ZNF782: variants seen among roughly 807,000 people sequenced by gnomAD.
ZNF782 encodes zinc finger protein 782.
Under a neutral mutation model 13.0 loss-of-function variants are expected in ZNF782, and 12 were observed. The observed-to-expected ratio is 0.92, with a 90% CI of 0.59 to 1.50. The LOEUF (loss-of-function observed/expected upper bound fraction) is 1.50, where lower values mean the gene tolerates loss of function less well. ZNF782 is among the 40% of genes most tolerant of loss of function. The probability of loss-of-function intolerance (pLI) is 0.00; values close to 1 mark genes in which losing one functional copy is unlikely to be tolerated. For missense variants in ZNF782, 770 were observed against 822.9 expected (o/e 0.94, Z 0.79); for synonymous variants, 284 against 283.0 (o/e 1.00, Z -0.04).
intron 1 of ZNF782, among the ~76,000 whole-genome samples, chr9:96,873,552 T>C (rs1588177998): frequency 1.3e-5 from 2 of 152,240 alleles, no homozygotes. Flanking sequence ...ATACAAAAAT[T>C]AGCCAAGCTT....
chr9:96,851,319 A>G (rs941628833), intron 3 of ZNF782, among the ~76,000 whole-genome samples: 1 of 152,212 alleles, frequency 6.6e-6, no homozygotes, highest in South Asian at 2.1e-4. Flanking sequence ...CATTTATTCA[A>G]TAATCAAAAT....
At chr9:96,900,181 C>T in the ZNF782 span, among the ~76,000 whole-genome samples, 1 of 150,868 alleles carries the variant, frequency 6.6e-6, no homozygotes, top group East Asian at 2.0e-4. Flanking sequence ...AGCTGGGTCC[C>T]AGGCAAACTA....
the ZNF782 span, among the ~76,000 whole-genome samples, chr9:96,883,999 T>C: frequency 6.6e-6 from 1 of 152,156 alleles, no homozygotes; most frequent in Non-Finnish European, 1.5e-5. Context: ...GGGCTATGAA[T>C]AGAAAAGCTT....
the ZNF782 span, among the ~76,000 whole-genome samples, chr9:96,916,482 C>T: frequency 1.3e-3 from 204 of 151,482 alleles, no homozygotes; most frequent in African/African-American, 4.8e-3. Flanking sequence ...GAGTAAGACT[C>T]TGTCTCTGGG....
the ZNF782 span, among the ~76,000 whole-genome samples, chr9:96,929,378 G>A: frequency 1.3e-5 from 2 of 151,822 alleles, no homozygotes; most frequent in South Asian, 2.1e-4. Flanking sequence ...GGAGAATGAC[G>A]GGCAAGCCTG....
At chr9:96,821,067 T>C (rs1222359383) in intron 5 of ZNF782, among the ~76,000 whole-genome samples, 1 of 152,266 alleles carries the variant, frequency 6.6e-6, no homozygotes, top group Non-Finnish European at 1.5e-5. Context: ...TTATTTATCA[T>C]AGATTTCCTG....
the ZNF782 span, among the ~76,000 whole-genome samples, chr9:96,905,030 C>T: frequency 6.7e-6 from 1 of 149,174 alleles, no homozygotes; most frequent in Non-Finnish European, 1.5e-5. Flanking sequence ...TAAAACAAAA[C>T]AAAAAACAGA....
Position 96,818,506 on chromosome 9 carries a change from T to C in ZNF782, c.1517A>G (p.Tyr506Cys), listed in dbSNP as rs1162017040. ...HRRTHTGERP[Y>C]KCDECGKAFK... is the part of the protein sequence containing the mutation. Reference sequence around the variant, plus strand: ...AGCTTTCCCACATTCATCACATTTATATGGTCTTTCCCCTGTGTGAGTTCT... The same window carrying C: ...AGCTTTCCCACATTCATCACATTTACATGGTCTTTCCCCTGTGTGAGTTCT... Residue 506 changes from tyrosine (Y) to cysteine (C), a missense_variant, in exon 6 of 6, where the codon TAT (tyrosine) becomes TGT (cysteine). Tyr to Cys is a radical substitution (Grantham distance 194). Coordinates refer to ENST00000481138, the MANE Select transcript of ZNF782 (RefSeq NM_001001662.3). 6.2e-7 allele frequency: 1 copy of C among 1,613,960 alleles called. No individual in the cohort carries two copies. The highest frequency in any genetic ancestry group is 1.7e-5 in the Admixed American group (1 of 59,998).
At chr9:96,924,875 G>A in the ZNF782 span, among the ~76,000 whole-genome samples, 19 of 152,334 alleles carry the variant, frequency 1.2e-4, no homozygotes, top group African/African-American at 3.6e-4. Flanking sequence ...GGAAAGGAGC[G>A]CGGCCTGGGC....
chr9:96,923,544 CCA>C, the ZNF782 span, among the ~76,000 whole-genome samples: 1 of 132,536 alleles, frequency 7.5e-6, no homozygotes, highest in African/African-American at 2.9e-5. Flanking sequence ...CCTACATTCC[CCA>C]AATATGTAAA....
At chr9:96,851,090 G>C (rs1395336872) in intron 3 of ZNF782, among the ~76,000 whole-genome samples, 1 of 151,570 alleles carries the variant, frequency 6.6e-6, no homozygotes, top group Non-Finnish European at 1.5e-5. Context: ...TTTTCTCTTG[G>C]TTTATACCTT....
At chr9:96,832,043 ATT>A (rs928311682) in intron 4 of ZNF782, among the ~76,000 whole-genome samples, 3 of 151,832 alleles carry the variant, frequency 2.0e-5, no homozygotes, top group Admixed American at 2.0e-4. Flanking sequence ...GTTCCCTTGA[ATT>A]TTTATTCATT....
Position 96,819,661 on chromosome 9 carries a change from G to A in ZNF782, c.362C>T (p.Pro121Leu), listed in dbSNP as rs1850341086. The change falls in exon 6 of 6, where the codon CCA becomes CTA. Residue 121 changes from proline to leucine, a missense_variant. Physicochemically the swap from Pro to Leu is moderately conservative, Grantham distance 98. Coordinates refer to ENST00000481138, the MANE Select transcript of ZNF782 (RefSeq NM_001001662.3). ...AAAAATGTTTATGTCTCGATTATGT[G>A]GTTTTCCTGAAATTTCTTGCTCTGT... ...LTTEQEISGK[P>L]HNRDINIFRA... 1.2e-6 allele frequency: 2 copies of A among 1,613,700 alleles called. No individual in the cohort carries two copies. The highest frequency in any genetic ancestry group is 1.3e-5 in the African/African-American group (1 of 74,832).
chr9:96,863,309 G>C (rs760336961), intron 1 of ZNF782, among the ~76,000 whole-genome samples: 2 of 151,160 alleles, frequency 1.3e-5, no homozygotes, highest in Admixed American at 6.6e-5. Flanking sequence ...ACCACAATGT[G>C]ATACGACCTT....
chr9:96,931,894 T>C, the ZNF782 span: 8 of 1,612,220 alleles, frequency 5.0e-6, no homozygotes, highest in South Asian at 7.7e-5. Context: ...CCAGCACCCC[T>C]CTAGTGGCAG....
At chr9:96,859,224 G>C (rs986644557), upstream of ZNF782, among the ~76,000 whole-genome samples, 1 of 152,190 alleles carries the variant, frequency 6.6e-6, no homozygotes, top group Non-Finnish European at 1.5e-5. Flanking sequence ...CAACTCTTAG[G>C]CAAGTCCTAG....
At chr9:96,909,743 C>T in the ZNF782 span, among the ~76,000 whole-genome samples, 3 of 151,962 alleles carry the variant, frequency 2.0e-5, no homozygotes, top group East Asian at 5.8e-4. Context: ...AACAATGTTT[C>T]ATGCATAAAG....
intron 1 of ZNF782, among the ~76,000 whole-genome samples, chr9:96,872,652 G>A (rs1224067467): frequency 2.6e-5 from 4 of 152,176 alleles, no homozygotes; most frequent in Middle Eastern, 3.4e-3. Context: ...TTTATAAGTT[G>A]CCTGGACTAT....
chr9:96,927,465 C>G, the ZNF782 span, among the ~76,000 whole-genome samples: 5 of 151,932 alleles, frequency 3.3e-5, no homozygotes, highest in Non-Finnish European at 5.9e-5. Flanking sequence ...TTCCTTTCAT[C>G]AAATCAGCCT....
Sources: allele counts gnomAD v4.1 joint callset (sites outside exome capture counted in the v4.1 genomes callset), GRCh38; gene constraint gnomAD v4.1.1; transcripts MANE v1.5; gene names NCBI Gene and HGNC (gene_info 2026-07-23, HGNC 2026-07-21).